POU6F2: variants seen among roughly 807,000 people sequenced by gnomAD.
POU6F2 encodes the protein POU domain, class 6, transcription factor 2.
A neutral mutation model predicts 71.3 loss-of-function variants in POU6F2; 31 were observed. The observed-to-expected ratio is 0.43, with a 90% CI of 0.33 to 0.59. The LOEUF is 0.59. POU6F2 is among the 20% of genes least tolerant of loss of function. POU6F2 has a pLI of 0.04. For missense variants in POU6F2, 783 were observed against 856.8 expected, an observed-to-expected ratio of 0.91 and a Z score of 1.07; for synonymous variants, 347 against 355.7, an observed-to-expected ratio of 0.98 and a Z score of 0.27.
intron 2 of POU6F2, among the ~76,000 whole-genome samples, chr7:39,162,800 A>C (rs1036235150): frequency 1.3e-5 from 2 of 152,196 alleles, no homozygotes; most frequent in Admixed American, 1.3e-4. Context: ...CATTTTAATA[A>C]ATAAAACATT....
At chr7:38,988,027 C>T (rs1788505088) in intron 1 of POU6F2, among the ~76,000 whole-genome samples, 1 of 152,078 alleles carries the variant, frequency 6.6e-6, no homozygotes, top group South Asian at 2.1e-4. Context: ...CTTTTAAGAA[C>T]AAATTGCAGA....
chr7:39,004,441 G>A (rs889565267), intron 1 of POU6F2, among the ~76,000 whole-genome samples: 15 of 152,202 alleles, frequency 9.9e-5, no homozygotes, highest in Non-Finnish European at 2.9e-5. Flanking sequence ...CATTTTGAAT[G>A]AGAATTTGTT....
At chr7:39,035,378 G>C (rs1790034896) in intron 1 of POU6F2, among the ~76,000 whole-genome samples, 2 of 152,024 alleles carry the variant, frequency 1.3e-5, no homozygotes, top group Non-Finnish European at 2.9e-5. Flanking sequence ...ATGTCATTTA[G>C]GGAAACATTA....
chr7:39,176,132 AC>A (rs1793324712), intron 2 of POU6F2, among the ~76,000 whole-genome samples: 1 of 151,866 alleles, frequency 6.6e-6, no homozygotes, highest in Admixed American at 6.6e-5. Context: ...CCAAATAACC[AC>A]CCCTGGCCTG....
intron 4 of POU6F2, among the ~76,000 whole-genome samples, chr7:39,291,053 A>G (rs1166074532): frequency 6.6e-6 from 1 of 151,440 alleles, no homozygotes; most frequent in Non-Finnish European, 1.5e-5. Context: ...TTTACAGAAC[A>G]AGGAACTCAG....
chr7:39,034,566 T>C, intron 1 of POU6F2: 1 of 354,856 alleles, frequency 2.8e-6, no homozygotes, highest in Non-Finnish European at 6.1e-6. Flanking sequence ...TGGGCTTTGA[T>C]GCTGCAGAAG....
chr7:39,133,723 A>G (rs1314219268), intron 2 of POU6F2, among the ~76,000 whole-genome samples: 1 of 152,160 alleles, frequency 6.6e-6, no homozygotes, highest in Non-Finnish European at 1.5e-5. Context: ...GCCACAGCCT[A>G]TGGCTTGGTA....
At chr7:39,004,637 C>A (rs1469687369) in intron 1 of POU6F2, among the ~76,000 whole-genome samples, 1 of 152,182 alleles carries the variant, frequency 6.6e-6, no homozygotes, top group Non-Finnish European at 1.5e-5. Flanking sequence ...GTCCGCACTT[C>A]ATCCCACAGT....
In POU6F2 at chr7:39,268,606, A is replaced by G. The variant is rs141785257; in HGVS notation, c.598+60986A>G. ...ATAGGTAAGGGAAAGAGAAGCTAAC[A>G]TGTGGCCAGCCTTGCACATGAAGAT... is the stretch of plus-strand genomic sequence containing the variant. On this transcript the variant is annotated intron_variant, in intron 4 of 9. Transcript: ENST00000518318. Among the ~76,000 whole-genome samples the G allele has an allele frequency of 1.6e-4, 24 of 152,238 alleles. 1 individual carries two copies. In the East Asian group the frequency reaches 4.4e-3, roughly 28 times the overall value.
chr7:38,979,201 A>G (rs1788253831), intron 1 of POU6F2, among the ~76,000 whole-genome samples: 2 of 26,470 alleles, frequency 7.6e-5, no homozygotes, highest in Non-Finnish European at 1.2e-4. Flanking sequence ...TAAACTCCTA[A>G]AAGTTTTTTT....
chr7:39,080,371 C>A (rs1022979303), intron 1 of POU6F2, among the ~76,000 whole-genome samples: 4 of 146,668 alleles, frequency 2.7e-5, no homozygotes, highest in African/African-American at 1.1e-4. Flanking sequence ...CCTCTTAATT[C>A]TTTTTGATTT....
intron 4 of POU6F2, among the ~76,000 whole-genome samples, chr7:39,261,549 G>C (rs1221014358): frequency 6.6e-6 from 1 of 152,112 alleles, no homozygotes. Flanking sequence ...CCTCAGGTAG[G>C]AACCGTTATC....
At chr7:39,225,129 A>T (rs891467373) in intron 4 of POU6F2, among the ~76,000 whole-genome samples, 1 of 152,238 alleles carries the variant, frequency 6.6e-6, no homozygotes, top group Admixed American at 6.5e-5. Flanking sequence ...CAGGAATGTT[A>T]TCAAACATAA....
chr7:39,083,693 C>G (rs1417385917), intron 1 of POU6F2: 1 of 152,120 alleles, frequency 6.6e-6, no homozygotes, highest in Non-Finnish European at 1.5e-5. Flanking sequence ...CTATCACTAG[C>G]AAATTCAAGC....
At chr7:39,274,066 T>C (rs1784389452) in intron 4 of POU6F2, among the ~76,000 whole-genome samples, 1 of 152,166 alleles carries the variant, frequency 6.6e-6, no homozygotes, top group Non-Finnish European at 1.5e-5. Flanking sequence ...CATTTCACCT[T>C]CAAACTACTT....
intron 7 of POU6F2, among the ~76,000 whole-genome samples, chr7:39,438,053 A>G (rs10272392): frequency 0.34 from 51,169 of 151,856 alleles, 9,625 homozygotes; most frequent in East Asian, 0.58. Flanking sequence ...CCATTAACTC[A>G]TCATTTACAT....
At chr7:39,281,239 A>T (rs1300928640) in intron 4 of POU6F2, among the ~76,000 whole-genome samples, 1 of 152,198 alleles carries the variant, frequency 6.6e-6, no homozygotes, top group Non-Finnish European at 1.5e-5. Context: ...GCATTGCATC[A>T]TGGTCAAATC....
At chr7:39,363,086 A>G (rs1018102923) in intron 5 of POU6F2, among the ~76,000 whole-genome samples, 1 of 152,232 alleles carries the variant, frequency 6.6e-6, no homozygotes, top group African/African-American at 2.4e-5. Flanking sequence ...GCCGAGAGTC[A>G]GGAGCGAACA....
intron 5 of POU6F2, among the ~76,000 whole-genome samples, chr7:39,342,054 T>G (rs1387193846): frequency 6.6e-6 from 1 of 152,242 alleles, no homozygotes; most frequent in East Asian, 1.9e-4. Flanking sequence ...AAGTTTTAAC[T>G]TATAAACTTA....
Sources: gnomAD v4.1 joint callset for allele counts (sites outside exome capture counted in the v4.1 genomes callset) on GRCh38, gnomAD v4.1.1 for gene constraint, MANE v1.5 for transcripts, NCBI Gene and HGNC (gene_info 2026-07-23, HGNC 2026-07-21) for gene names.